Variants in MTDH observed in about 807,000 individuals in gnomAD.
MTDH encodes protein LYRIC.
A neutral mutation model predicts 72.7 loss-of-function variants in MTDH; 34 were observed. That is an observed-to-expected ratio of 0.47 (90% confidence interval 0.36 to 0.62). MTDH has a LOEUF of 0.62. Ranked by LOEUF, MTDH falls within the 20% of genes least tolerant of loss-of-function variation. The probability of loss-of-function intolerance (pLI) is 0.00; values close to 1 mark genes in which losing one functional copy is unlikely to be tolerated. For synonymous variants in MTDH, 266 were observed against 268.9 expected, an observed-to-expected ratio of 0.99 and a Z score of 0.10; for missense variants, 677 against 699.4, an observed-to-expected ratio of 0.97 and a Z score of 0.36.
rs377400535 is a variant in MTDH at position 97,686,619 on chromosome 8, T to C, written c.484-49T>C. 334 of 1,209,188 alleles carry C rather than the reference T, an allele frequency of 2.8e-4. 4 individuals carry two copies. The South Asian group carries it at 5.1e-3, about 19-fold the overall frequency. 74.9% of individuals were successfully genotyped at this position (1,209,188 alleles called of 1,614,324 possible). On this transcript the variant is annotated intron_variant, in intron 2 of 11. Coordinates refer to ENST00000336273, the MANE Select transcript of MTDH (RefSeq NM_178812.4). ...ATTATGTATTTTACTGACTCCTACT[T>C]ATTCAAAAACATAACAAAATATTAA... is the stretch of plus-strand genomic sequence containing the variant.
intron 9 of MTDH, among the ~76,000 whole-genome samples, chr8:97,716,781 T>G (rs1814890525): frequency 6.6e-6 from 1 of 152,182 alleles, no homozygotes; most frequent in African/African-American, 2.4e-5. Context: ...CACAGCTCAC[T>G]GCAGCCTCAA....
rs1422881368 is a variant in MTDH at position 97,690,952 on chromosome 8, T to C, written c.812T>C (p.Val271Ala). ...TAATATTCATTTTCTTTTCTTTAAG[T>C]TTCTTCAGGATTGAATGAAAACCTC... ...KSGKGDSTLQ[V>A]SSGLNENLTV... The change falls in exon 6 of 12, where the codon GTT (valine) becomes GCT (alanine). Residue 271 changes from valine to alanine, a missense_variant and splice_region_variant. Physicochemically the swap from Val to Ala is moderately conservative, Grantham distance 64 (BLOSUM62 0). Around this residue, in one of 3 missense-constraint regions of MTDH, gnomAD observed 467 missense variants for 469.1 expected, o/e 1.00. Coordinates refer to ENST00000336273, the MANE Select transcript of MTDH (RefSeq NM_178812.4). The C allele has an allele frequency of 4.4e-6, 7 of 1,590,758 alleles. No homozygotes were observed. The highest frequency in any genetic ancestry group is 6.0e-6 in the Non-Finnish European group (7 of 1,170,772).
chr8:97,657,568 G>A (rs1586206655), intron 1 of MTDH, among the ~76,000 whole-genome samples: 1 of 151,958 alleles, frequency 6.6e-6, no homozygotes, highest in African/African-American at 2.4e-5. Context: ...CAGTGGTGCA[G>A]TCACAGCTCA....
chr8:97,655,888 T>A (rs1811952095), intron 1 of MTDH, among the ~76,000 whole-genome samples: 1 of 152,242 alleles, frequency 6.6e-6, no homozygotes, highest in Admixed American at 6.5e-5. Flanking sequence ...AATGTAAATG[T>A]GTAAGACAAA....
At chr8:97,684,115 C>CAACAAGAG (rs1160135231) in intron 2 of MTDH, among the ~76,000 whole-genome samples, 1 of 126,560 alleles carries the variant, frequency 7.9e-6, no homozygotes, top group Non-Finnish European at 1.6e-5. Flanking sequence ...CCAGCCTGGG[C>CAACAAGAG]AACAAGAGTG....
At chr8:97,716,412 C>T (rs560324899) in intron 9 of MTDH, among the ~76,000 whole-genome samples, 3 of 147,454 alleles carry the variant, frequency 2.0e-5, no homozygotes, top group East Asian at 2.1e-4. Flanking sequence ...AAAGTTAGGC[C>T]GGGTGCGGTG....
chr8:97,699,889 A>G (rs1379352083), intron 7 of MTDH, 37 bp downstream of exon 7: 5 of 1,411,264 alleles, frequency 3.5e-6, no homozygotes, highest in Non-Finnish European at 5.0e-6. Context: ...ATTTTTTTTC[A>G]GAGTTTTCTT....
At chr8:97,687,346 C>T (rs1021377399) in intron 3 of MTDH, 83 bp from the exon 4 acceptor site, 1 of 1,160,450 alleles carries the variant, frequency 8.6e-7, no homozygotes, top group African/African-American at 1.6e-5. Flanking sequence ...ATTTTATGTG[C>T]TCCACCCCAT....
chr8:97,668,397 A>G (rs981258918), intron 2 of MTDH, among the ~76,000 whole-genome samples: 2 of 152,174 alleles, frequency 1.3e-5, no homozygotes, highest in African/African-American at 2.4e-5. Context: ...ATTCATGCAC[A>G]TTGCAATATA....
intron 4 of MTDH, among the ~76,000 whole-genome samples, chr8:97,687,904 T>C (rs986265753): frequency 6.6e-6 from 1 of 152,218 alleles, no homozygotes; most frequent in African/African-American, 2.4e-5. Context: ...CCAACTCCCT[T>C]GCATCTCTGT....
At chr8:97,684,836 A>C (rs1813294770) in intron 2 of MTDH, among the ~76,000 whole-genome samples, 1 of 152,206 alleles carries the variant, frequency 6.6e-6, no homozygotes, top group Admixed American at 6.5e-5. Context: ...TTGGGAGGCC[A>C]AGGCGGATCA....
chr8:97,714,501 AGCTGAG>A (rs1814771401), intron 9 of MTDH, among the ~76,000 whole-genome samples: 1 of 151,938 alleles, frequency 6.6e-6, no homozygotes, highest in Non-Finnish European at 1.5e-5. Flanking sequence ...CTACTGGGGA[AGCTGAG>A]GTGAGAGGAT....
intron 2 of MTDH, among the ~76,000 whole-genome samples, chr8:97,676,575 T>C (rs1011857397): frequency 5.3e-5 from 8 of 152,176 alleles, no homozygotes; most frequent in Non-Finnish European, 1.2e-4. Context: ...TTGTCTAATA[T>C]TAGAAATACT....
intron 2 of MTDH, among the ~76,000 whole-genome samples, chr8:97,670,570 G>A (rs1393822839): frequency 6.6e-6 from 1 of 152,230 alleles, no homozygotes; most frequent in Non-Finnish European, 1.5e-5. Flanking sequence ...GTTGCAGCGA[G>A]CTGAGATCGT....
At position 97,725,179 on chromosome 8, in the gene MTDH, C is replaced by T. The variant is rs1815306605; in HGVS notation, c.*509C>T. ...GTAGCAATTTGTATTAAAGAAATCACAAGTGCAAATAAAAAGTCATTTATC... is the reference window on the plus strand; with the variant it reads ...GTAGCAATTTGTATTAAAGAAATCATAAGTGCAAATAAAAAGTCATTTATC... On this transcript the variant is annotated 3_prime_UTR_variant, in exon 12 of 12. Transcript: ENST00000336273. The T allele has an allele frequency of 6.6e-6, 1 of 152,600 alleles. No homozygotes were observed. Among genetic ancestry groups the T allele is most frequent in the African/African-American group, 2.4e-5 (1 of 41,432 alleles). 9.5% of individuals were successfully genotyped at this position (152,600 alleles called of 1,614,324 possible). A position where few individuals can be genotyped will look rare whatever the true frequency, so the allele number is the denominator to read the frequency against.
At chr8:97,710,209 G>A (rs892421331) in intron 8 of MTDH, among the ~76,000 whole-genome samples, 5 of 150,650 alleles carry the variant, frequency 3.3e-5, no homozygotes, top group Admixed American at 2.6e-4. Context: ...TCTGTAAACT[G>A]TCTGGTAGTT....
chr8:97,652,590 C>G (rs866276491), intron 1 of MTDH, among the ~76,000 whole-genome samples: 3 of 152,220 alleles, frequency 2.0e-5, no homozygotes, highest in Middle Eastern at 3.4e-3. Flanking sequence ...AACTGCCTGG[C>G]GTATAAGTGC....
chr8:97,697,769 G>A (rs540937857), intron 6 of MTDH, among the ~76,000 whole-genome samples: 5 of 152,186 alleles, frequency 3.3e-5, no homozygotes, highest in Middle Eastern at 3.4e-3. Flanking sequence ...GATTTGGTCT[G>A]TGAGTCATAG....
intron 2 of MTDH, among the ~76,000 whole-genome samples, chr8:97,681,405 C>T (rs971204841): frequency 6.2e-5 from 9 of 144,182 alleles, no homozygotes; most frequent in South Asian, 2.2e-4. Flanking sequence ...ATATCTGCAG[C>T]GGTTTTTTTT....
Sources: gnomAD v4.1 joint callset for allele counts (sites outside exome capture counted in the v4.1 genomes callset) on GRCh38, gnomAD v4.1.1 for gene constraint, gnomAD v4.1.1 regional missense constraint, MANE v1.5 for transcripts, NCBI Gene and HGNC (gene_info 2026-07-23, HGNC 2026-07-21) for gene names.